CCDC85A: variants seen among roughly 807,000 people sequenced by gnomAD.
CCDC85A encodes coiled-coil domain-containing protein 85A.
CCDC85A carries 38 observed loss-of-function variants against 50.2 expected under a neutral mutation model. The ratio of observed to expected loss-of-function variants is 0.76; its 90% CI spans 0.58 to 0.99. The LOEUF is 0.99. Ranked by LOEUF, CCDC85A falls within the 50% of genes least tolerant of loss-of-function variation. CCDC85A has a pLI of 0.00. For missense variants in CCDC85A, 820 were observed against 742.0 expected (o/e 1.11, Z -1.22); for synonymous variants, 366 against 301.4 (o/e 1.21, Z -2.22).
chr2:56,371,895 T>C (rs1357113702), intron 3 of CCDC85A, among the ~76,000 whole-genome samples: 2 of 152,202 alleles, frequency 1.3e-5, no homozygotes, highest in African/African-American at 2.4e-5. Flanking sequence ...TTATTGAATA[T>C]GTATACCCAA....
At chr2:56,345,872 T>A (rs1000053161) in intron 3 of CCDC85A, among the ~76,000 whole-genome samples, 2 of 152,264 alleles carry the variant, frequency 1.3e-5, no homozygotes, top group African/African-American at 4.8e-5. Flanking sequence ...GCTGACATCC[T>A]AGCCTAAGTT....
intron 2 of CCDC85A, among the ~76,000 whole-genome samples, chr2:56,320,895 A>G (rs1225843480): frequency 1.3e-5 from 2 of 152,270 alleles, no homozygotes; most frequent in East Asian, 1.9e-4. Flanking sequence ...TCCTCAATAA[A>G]ATACTGGCAA....
At position 56,223,674 on chromosome 2, in the gene CCDC85A, G is replaced by A. The variant is rs191115139; in HGVS notation, c.1240+30234G>A. On this transcript the variant is annotated intron_variant, in intron 2 of 5. Coordinates refer to ENST00000407595, the MANE Select transcript of CCDC85A (RefSeq NM_001080433.2). ...ATATGCTTAGCCTGTAGCCTAAAGC[G>A]TAATAAGTCTAAAGGAGAATTTACT... 2.1e-4 allele frequency among the ~76,000 whole-genome samples: 32 copies of A among 152,234 alleles called. 1 individual carries two copies. The East Asian group carries it at 4.1e-3, about 19-fold the overall frequency.
At chr2:56,278,249 G>A (rs564140938) in intron 2 of CCDC85A, among the ~76,000 whole-genome samples, 1 of 151,990 alleles carries the variant, frequency 6.6e-6, no homozygotes, top group East Asian at 1.9e-4. Context: ...TCAAGAAAAT[G>A]ATTTCCTCAT....
intron 1 of CCDC85A, among the ~76,000 whole-genome samples, chr2:56,191,661 G>A (rs1163352335): frequency 1.3e-5 from 2 of 152,206 alleles, no homozygotes; most frequent in African/African-American, 4.8e-5. Context: ...ACAGAAAGAG[G>A]GGGCATTTGC....
chr2:56,261,425 A>C (rs1448649492), intron 2 of CCDC85A, among the ~76,000 whole-genome samples: 1 of 152,208 alleles, frequency 6.6e-6, no homozygotes, highest in African/African-American at 2.4e-5. Flanking sequence ...TTTATCAGTT[A>C]ACCAAATTCA....
chr2:56,309,355 C>T (rs1434351643), intron 2 of CCDC85A, among the ~76,000 whole-genome samples: 3 of 152,084 alleles, frequency 2.0e-5, no homozygotes, highest in Non-Finnish European at 4.4e-5. Context: ...CAGCTTGCAG[C>T]ACATTAAACG....
In CCDC85A at chr2:56,184,101, C is replaced by T. The variant is rs1675879807; in HGVS notation, c.-524C>T. 5 of 985,338 alleles carry T rather than the reference C, an allele frequency of 5.1e-6. No individual in the cohort carries two copies. The highest frequency in any genetic ancestry group is 6.0e-6 in the Non-Finnish European group (5 of 830,060). 61.0% of individuals were successfully genotyped at this position (985,338 alleles called of 1,614,324 possible). On this transcript the variant is annotated 5_prime_UTR_variant, in exon 1 of 6. Coordinates refer to ENST00000407595, the MANE Select transcript of CCDC85A (RefSeq NM_001080433.2). ...AGCAGCCTTCGGGCAGCCGCGGCGG[C>T]GTCGCTAGAGCAGCCGGGGAGGCGC... is the stretch of plus-strand genomic sequence containing the variant.
At chr2:56,277,728 A>T (rs1265730027) in intron 2 of CCDC85A, among the ~76,000 whole-genome samples, 1 of 152,242 alleles carries the variant, frequency 6.6e-6, no homozygotes, top group Non-Finnish European at 1.5e-5. Context: ...AACATGAGTA[A>T]GACGAGACTG....
At chr2:56,356,174 A>G (rs2104356608) in intron 3 of CCDC85A, among the ~76,000 whole-genome samples, 1 of 152,376 alleles carries the variant, frequency 6.6e-6, no homozygotes, top group African/African-American at 2.4e-5. Flanking sequence ...TTGTGTGGGA[A>G]TGATTGGTCG....
At chr2:56,384,196 C>T in intron 5 of CCDC85A, 70 bp from the exon 6 acceptor site, 1 of 1,357,970 alleles carries the variant, frequency 7.4e-7, no homozygotes, top group Non-Finnish European at 1.0e-6. Context: ...CTTAATTTAC[C>T]CTTAAGAAAT....
At position 56,184,411 on chromosome 2, in the gene CCDC85A, G is replaced by C. The variant is rs955171488; in HGVS notation, c.-214G>C. ...CGGCAGCAGCAAGCGGCTGGCTGCC[G>C]GGCCCTGGGGGAGCGCGGGCGCGCG... On this transcript the variant is annotated 5_prime_UTR_variant, in exon 1 of 6. Transcript: ENST00000407595. The C allele has an allele frequency of 3.8e-6, 2 of 530,152 alleles. No individual in the cohort carries two copies. Among genetic ancestry groups the C allele is most frequent in the African/African-American group, 2.0e-5 (1 of 49,948 alleles). 32.8% of individuals were successfully genotyped at this position (530,152 alleles called of 1,614,324 possible).
Position 56,184,752 on chromosome 2 carries a change from A to T in CCDC85A, c.128A>T (p.Glu43Val). 1 of 1,544,212 alleles carries T rather than the reference A, an allele frequency of 6.5e-7. No homozygotes were observed. The highest frequency in any genetic ancestry group is 8.7e-7 in the Non-Finnish European group (1 of 1,145,476). Residue 43 changes from glutamate to valine, a missense_variant, in exon 1 of 6, where the codon GAG becomes GTG. Physicochemically the swap from Glu to Val is moderately radical, Grantham distance 121 (BLOSUM62 -2). Transcript: ENST00000407595. ...GACCTGTCCAAAGTGTCGGACGAGG[A>T]GCTGCTGCAGTGGAGCAAGGAGGAG... ...VEDLSKVSDE[E>V]LLQWSKEELI...
chr2:56,245,957 G>C (rs375229364), intron 2 of CCDC85A, among the ~76,000 whole-genome samples: 2 of 152,162 alleles, frequency 1.3e-5, no homozygotes, highest in Admixed American at 6.5e-5. Context: ...CAGGTATTCT[G>C]TTATAGCAGC....
At chr2:56,199,023 A>G (rs1322767565) in intron 2 of CCDC85A, among the ~76,000 whole-genome samples, 3 of 152,322 alleles carry the variant, frequency 2.0e-5, no homozygotes, top group East Asian at 1.9e-4. Flanking sequence ...TGAAATGTTT[A>G]TATCTTCTGG....
chr2:56,305,163 A>G (rs367723206), intron 2 of CCDC85A, among the ~76,000 whole-genome samples: 5 of 152,102 alleles, frequency 3.3e-5, no homozygotes, highest in African/African-American at 1.2e-4. Context: ...AAAAAGTATA[A>G]TGGTGGTCAT....
At chr2:56,207,465 A>T (rs546341535) in intron 2 of CCDC85A, among the ~76,000 whole-genome samples, 1 of 152,326 alleles carries the variant, frequency 6.6e-6, no homozygotes, top group East Asian at 1.9e-4. Flanking sequence ...CAGTGACACC[A>T]AAAGAAGCAA....
intron 2 of CCDC85A, among the ~76,000 whole-genome samples, chr2:56,303,688 T>A (rs1166463895): frequency 6.6e-6 from 1 of 152,218 alleles, no homozygotes; most frequent in Non-Finnish European, 1.5e-5. Context: ...ATAGTGCAGA[T>A]GAGAAACTAC....
chr2:56,343,616 A>G (rs1398747853), intron 3 of CCDC85A, among the ~76,000 whole-genome samples: 2 of 152,186 alleles, frequency 1.3e-5, no homozygotes, highest in African/African-American at 4.8e-5. Flanking sequence ...TGGTTTTCAG[A>G]AAATGTTTTG....
Sources: allele counts gnomAD v4.1 joint callset (sites outside exome capture counted in the v4.1 genomes callset), GRCh38; gene constraint gnomAD v4.1.1; transcripts MANE v1.5; gene names NCBI Gene and HGNC (gene_info 2026-07-23, HGNC 2026-07-21).